Variants in NOL4L observed in about 807,000 individuals in gnomAD.
NOL4L encodes nucleolar protein 4-like.
Under a neutral mutation model 64.5 loss-of-function variants are expected in NOL4L, and 7 were observed. The ratio of observed to expected loss-of-function variants is 0.11; its 90% CI spans 0.06 to 0.20. NOL4L has a LOEUF of 0.20. Ranked by LOEUF, NOL4L falls within the 10% of genes least tolerant of loss-of-function variation. NOL4L has a pLI of 1.00. For synonymous variants in NOL4L, 413 were observed against 401.0 expected, an observed-to-expected ratio of 1.03 and a Z score of -0.36; for missense variants, 680 against 967.1, an observed-to-expected ratio of 0.70 and a Z score of 3.94.
At chr20:32,558,292 C>T (rs1978784338) in intron 1 of NOL4L, among the ~76,000 whole-genome samples, 1 of 152,154 alleles carries the variant, frequency 6.6e-6, no homozygotes. Flanking sequence ...TTATGGGCCT[C>T]AGTTCCTCCT....
At chr20:32,494,625 C>A (rs1044694354) in intron 4 of NOL4L, among the ~76,000 whole-genome samples, 1 of 152,182 alleles carries the variant, frequency 6.6e-6, no homozygotes, top group Non-Finnish European at 1.5e-5. Context: ...TCTCCCTTAT[C>A]TTTTTCAACC....
Position 32,445,487 on chromosome 20 carries a change from GC to G in NOL4L, c.*2108del, listed in dbSNP as rs2012289553. On this transcript the variant is annotated 3_prime_UTR_variant, in exon 11 of 11. Coordinates refer to ENST00000621426, the MANE Select transcript of NOL4L (RefSeq NM_001256798.2). ...AACATTAAGATTTTCACAAATAATTGCCTGGGGTAACATTTTTGCAAAAGAT... is the reference window on the plus strand; with the variant it reads ...AACATTAAGATTTTCACAAATAATTGCTGGGGTAACATTTTTGCAAAAGAT... 6.6e-6 allele frequency: 1 copy of G among 152,182 alleles called. No individual in the cohort carries two copies. The highest frequency in any genetic ancestry group is 1.5e-5 in the Non-Finnish European group (1 of 68,044). The allele number at this position is 152,182 out of a possible 1,614,324, so 9.4% of individuals were successfully genotyped here.
chr20:32,539,129 G>C (rs538346269), intron 1 of NOL4L, among the ~76,000 whole-genome samples: 3 of 152,176 alleles, frequency 2.0e-5, no homozygotes, highest in African/African-American at 7.2e-5. Flanking sequence ...GGACCCTCTG[G>C]GTCCCAGCCC....
intron 1 of NOL4L, among the ~76,000 whole-genome samples, chr20:32,577,839 T>G (rs1980209935): frequency 6.6e-6 from 1 of 152,072 alleles, no homozygotes; most frequent in African/African-American, 2.4e-5. Context: ...GGGTGCCTCG[T>G]CTCCACTGTA....
At chr20:32,543,514 G>A (rs1376830425) in intron 1 of NOL4L, among the ~76,000 whole-genome samples, 1 of 152,114 alleles carries the variant, frequency 6.6e-6, no homozygotes, top group Admixed American at 6.5e-5. Flanking sequence ...AGCAACTAGG[G>A]AGGCTGAGGC....
chr20:32,449,223 C>G (rs1408272726), intron 10 of NOL4L, among the ~76,000 whole-genome samples: 1 of 152,248 alleles, frequency 6.6e-6, no homozygotes, highest in Non-Finnish European at 1.5e-5. Flanking sequence ...TCTCTGTTGT[C>G]TGCCCTCCCC....
At chr20:32,578,978 G>A (rs563795513) in intron 1 of NOL4L, among the ~76,000 whole-genome samples, 4 of 152,294 alleles carry the variant, frequency 2.6e-5, no homozygotes, top group African/African-American at 9.6e-5. Flanking sequence ...CGGGGGTATG[G>A]CACCACCTCT....
chr20:32,475,229 G>A (rs1055760669), intron 4 of NOL4L: 1 of 985,450 alleles, frequency 1.0e-6, no homozygotes, highest in Non-Finnish European at 1.2e-6. Context: ...AGCATGCATG[G>A]AATTCCTTTC....
intron 4 of NOL4L, among the ~76,000 whole-genome samples, chr20:32,485,009 T>G (rs1003288395): frequency 2.3e-5 from 3 of 131,894 alleles, no homozygotes; most frequent in African/African-American, 9.0e-5. Context: ...AAGCTTGTGC[T>G]TCAACAAGGA....
intron 4 of NOL4L, among the ~76,000 whole-genome samples, chr20:32,511,063 T>TCCCTCCCTTCCACGTC (rs2017379135): frequency 6.6e-6 from 1 of 151,944 alleles, no homozygotes; most frequent in Non-Finnish European, 1.5e-5. Flanking sequence ...GGGCTGCGGC[T>TCCCTCCCTTCCACGTC]CCCTCCCTTC....
Position 32,464,883 on chromosome 20 carries a change from T to C in NOL4L, c.842-8488A>G. On this transcript the variant is annotated intron_variant, in intron 5 of 10. Coordinates refer to ENST00000621426, the MANE Select transcript of NOL4L (RefSeq NM_001256798.2). This position sits in a 1 kb window ranked among gnomAD's most constrained non-coding sequence, Gnocchi z 5.6. Reference sequence around the variant, plus strand: ...TCAGAGCTGAGATATTTCACCTTCTTCTTTCCTACGGAGCCGCTGAGACGC... The same window carrying C: ...TCAGAGCTGAGATATTTCACCTTCTCCTTTCCTACGGAGCCGCTGAGACGC... 2.4e-6 allele frequency: 1 copy of C among 423,114 alleles called. No individual in the cohort carries two copies. Among genetic ancestry groups the C allele is most frequent in the Non-Finnish European group, 4.3e-6 (1 of 230,762 alleles). 26.2% of individuals were successfully genotyped at this position (423,114 alleles called of 1,614,324 possible).
At chr20:32,538,477 CCCTCCCTCCCTCCCT>C in intron 1 of NOL4L, among the ~76,000 whole-genome samples, 2 of 76,016 alleles carry the variant, frequency 2.6e-5, no homozygotes, top group Non-Finnish European at 2.8e-5. Context: ...CTCCCTCCCT[CCCTCCCTCCCTCCCT>C]CCCTCCCTCC....
chr20:32,549,884 T>C (rs6119892), intron 1 of NOL4L, among the ~76,000 whole-genome samples: 12,507 of 152,212 alleles, frequency 0.082, 1,363 homozygotes, highest in African/African-American at 0.25. Flanking sequence ...AGGTTAAACA[T>C]AGAGTTACCA....
intron 3 of NOL4L, among the ~76,000 whole-genome samples, chr20:32,513,434 T>C (rs2017499660): frequency 6.6e-6 from 1 of 152,164 alleles, no homozygotes; most frequent in African/African-American, 2.4e-5. Flanking sequence ...AACTCGAGGT[T>C]ACTGGGGACT....
chr20:32,565,659 A>G (rs888788847), intron 1 of NOL4L, among the ~76,000 whole-genome samples: 1 of 152,146 alleles, frequency 6.6e-6, no homozygotes, highest in Non-Finnish European at 1.5e-5. Flanking sequence ...TTCTTGTTCC[A>G]TCTTCCTCAT....
chr20:32,443,741 A>G lies in NOL4L; in HGVS notation c.*3855T>C, dbSNP rs974135899. 4 of 152,298 alleles carry G rather than the reference A, an allele frequency of 2.6e-5. No homozygotes were observed. The East Asian group carries it at 7.7e-4, about 29-fold the overall frequency. The allele number at this position is 152,298 out of a possible 1,614,324, so 9.4% of individuals were successfully genotyped here. A position where few individuals can be genotyped will look rare whatever the true frequency, so the allele number is the denominator to read the frequency against. ...TGGATGGCTTGATCCTGAAGGCAAC[A>G]TGAGTCATTCTGACCTTCCCACTCC... On this transcript the variant is annotated 3_prime_UTR_variant, in exon 11 of 11. Coordinates refer to ENST00000621426, the MANE Select transcript of NOL4L (RefSeq NM_001256798.2).
chr20:32,558,270 G>T (rs914965282), intron 1 of NOL4L, among the ~76,000 whole-genome samples: 1 of 152,092 alleles, frequency 6.6e-6, no homozygotes, highest in Admixed American at 6.5e-5. Flanking sequence ...GCCCAGGAAG[G>T]GTCACTTCAA....
At chr20:32,497,168 T>G (rs950003064) in intron 4 of NOL4L, among the ~76,000 whole-genome samples, 5 of 150,680 alleles carry the variant, frequency 3.3e-5, no homozygotes, top group African/African-American at 1.2e-4. Flanking sequence ...CTAATTGATC[T>G]CCAGACATCA....
intron 1 of NOL4L, among the ~76,000 whole-genome samples, chr20:32,528,361 C>T (rs1399373705): frequency 3.3e-5 from 5 of 152,200 alleles, no homozygotes; most frequent in Non-Finnish European, 7.3e-5. Context: ...GGAACAGCTC[C>T]GATCACCTGG....
Sources: allele counts gnomAD v4.1 joint callset (sites outside exome capture counted in the v4.1 genomes callset), GRCh38; gene constraint gnomAD v4.1.1; non-coding constraint Gnocchi (gnomAD v3.1); transcripts MANE v1.5; gene names NCBI Gene and HGNC (gene_info 2026-07-23, HGNC 2026-07-21).